Variants in NACAD observed in about 807,000 individuals in gnomAD.
NACAD encodes the protein NAC alpha domain containing.
A neutral mutation model predicts 98.9 loss-of-function variants in NACAD; 47 were observed. The observed-to-expected ratio is 0.48, with a 90% CI of 0.38 to 0.61. The LOEUF (loss-of-function observed/expected upper bound fraction) is 0.61, where lower values mean the gene tolerates loss of function less well. Ranked by LOEUF, NACAD falls within the 20% of genes least tolerant of loss-of-function variation. NACAD has a pLI of 0.00. For missense variants in NACAD, 1,412 were observed against 1,748.2 expected (o/e 0.81, Z 3.43); for synonymous variants, 696 against 767.2 (o/e 0.91, Z 1.53).
Position 45,088,729 on chromosome 7 carries a change from G to C in NACAD, c.67+99C>G, listed in dbSNP as rs1784559414. 1 of 1,041,700 alleles carries C rather than the reference G, an allele frequency of 9.6e-7. No homozygotes were observed. The highest frequency in any genetic ancestry group is 1.7e-5 in the African/African-American group (1 of 60,304). 64.5% of individuals were successfully genotyped at this position (1,041,700 alleles called of 1,614,324 possible). On this transcript the variant is annotated intron_variant, in intron 1 of 7. Coordinates refer to ENST00000490531, the MANE Select transcript of NACAD (RefSeq NM_001146334.2). The surrounding 1 kb of genome is among the most constrained non-coding windows in gnomAD (Gnocchi z 5.7). ...AGGGGAGGGGACTCGAGGGGGGCCA[G>C]GGGGATGGGGGAGAGGGGTGAAAGG...
chr7:45,086,410 A>G lies in NACAD; in HGVS notation c.68-298T>C, dbSNP rs182099928. On this transcript the variant is annotated intron_variant, in intron 1 of 7. Coordinates refer to ENST00000490531, the MANE Select transcript of NACAD (RefSeq NM_001146334.2). ...AAGGACACCTCAGCAAAGAACTAGCATTTCAGCCTCTCTGGGGAGACTGGA... is the reference window on the plus strand; with the variant it reads ...AAGGACACCTCAGCAAAGAACTAGCGTTTCAGCCTCTCTGGGGAGACTGGA... 1.9e-3 allele frequency among the ~76,000 whole-genome samples: 282 copies of G among 152,192 alleles called. 1 individual carries two copies. Among genetic ancestry groups the G allele is most frequent in the African/African-American group, 6.0e-3 (250 of 41,530 alleles).
In NACAD at chr7:45,088,037, C is replaced by T. The variant is rs1219079181; in HGVS notation, c.67+791G>A. Among the ~76,000 whole-genome samples the T allele has an allele frequency of 6.6e-6, 1 of 152,208 alleles. No homozygotes were observed. The highest frequency in any genetic ancestry group is 1.5e-5 in the Non-Finnish European group (1 of 68,036). Reference sequence around the variant, plus strand: ...GAGCAGAGGCAGCAGCCTGTGTCACCCCAAACCAGGCCCCAGGCCCCAGCA... The same window carrying T: ...GAGCAGAGGCAGCAGCCTGTGTCACTCCAAACCAGGCCCCAGGCCCCAGCA... On this transcript the variant is annotated intron_variant, in intron 1 of 7. Transcript: ENST00000490531. This position sits in a 1 kb window ranked among gnomAD's most constrained non-coding sequence, Gnocchi z 5.7.
rs1435410395 is a variant in NACAD at position 45,082,537 on chromosome 7, C to A, written c.3643G>T (p.Gly1215Cys). Residue 1215 changes from glycine to cysteine, a missense_variant, in exon 2 of 8, where the codon GGT becomes TGT. This residue lies in a region of NACAD where 572 missense variants were observed against 639.6 expected (regional missense o/e 0.89). Coordinates refer to ENST00000490531, the MANE Select transcript of NACAD (RefSeq NM_001146334.2). The surrounding 1 kb of genome is among the most constrained non-coding windows in gnomAD (Gnocchi z 4.5). ...CTGTCCACGGGCGTGCTGGGCTGAC[C>A]CTTGGCAAGGTTTTCTGGGGGCTGC... ...LLQPPENLAKGQPSTPVDRPL... is the reference protein window; with the variant it reads ...LLQPPENLAKCQPSTPVDRPL... 1 of 1,548,886 alleles carries A rather than the reference C, an allele frequency of 6.5e-7. No homozygotes were observed. The highest frequency in any genetic ancestry group is 2.0e-5 in the Admixed American group (1 of 50,802).
intron 4 of NACAD, 141 bp downstream of exon 4, chr7:45,081,460 G>C: frequency 1.6e-6 from 2 of 1,245,392 alleles, no homozygotes; most frequent in Non-Finnish European, 2.2e-6. Flanking sequence ...TTTAGGGGAA[G>C]GTGTGTGGGT....
In NACAD at chr7:45,085,544, G is replaced by A. The variant is rs764930569; in HGVS notation, c.636C>T (p.Pro212=). Residue 212 remains proline (P), a synonymous_variant, in exon 2 of 8, where the codon CCC becomes CCT. Coordinates refer to ENST00000490531, the MANE Select transcript of NACAD (RefSeq NM_001146334.2). This position sits in a 1 kb window ranked among gnomAD's most constrained non-coding sequence, Gnocchi z 6.1. ...AELRDELLDS[P]PASPSGSYIT... ...TGTAGGAGCCCGAGGGTGAGGCGGG[G>A]GGCGAGTCCAGCAGCTCATCCCGCA... The A allele has an allele frequency of 3.9e-6, 6 of 1,550,286 alleles. No individual in the cohort carries two copies. In the African/African-American group the frequency reaches 5.5e-5, roughly 14 times the overall value.
rs1423741106 is a variant in NACAD, at chr7:45,082,536, C to A, written c.3644G>T (p.Gly1215Val). ...CCTGTCCACGGGCGTGCTGGGCTGACCCTTGGCAAGGTTTTCTGGGGGCTG... is the reference window on the plus strand; with the variant it reads ...CCTGTCCACGGGCGTGCTGGGCTGAACCTTGGCAAGGTTTTCTGGGGGCTG... ...LLQPPENLAK[G>V]QPSTPVDRPL... Residue 1215 changes from glycine (G) to valine (V), a missense_variant, in exon 2 of 8, where the codon GGT becomes GTT. Coordinates refer to ENST00000490531, the MANE Select transcript of NACAD (RefSeq NM_001146334.2). This position sits in a 1 kb window ranked among gnomAD's most constrained non-coding sequence, Gnocchi z 4.5. The A allele has an allele frequency of 2.3e-5, 36 of 1,549,036 alleles. No individual in the cohort carries two copies. The East Asian group carries it at 8.3e-4, about 36-fold the overall frequency.
chr7:45,081,508 T>A lies in NACAD; in HGVS notation c.4257+93A>T. 4.8e-6 allele frequency: 7 copies of A among 1,467,510 alleles called. 1 individual carries two copies. The highest frequency in any genetic ancestry group is 6.5e-6 in the Non-Finnish European group (7 of 1,079,052). 90.9% of individuals were successfully genotyped at this position (1,467,510 alleles called of 1,614,324 possible). A position where few individuals can be genotyped will look rare whatever the true frequency, so the allele number is the denominator to read the frequency against. On this transcript the variant is annotated intron_variant, in intron 4 of 7. Coordinates refer to ENST00000490531, the MANE Select transcript of NACAD (RefSeq NM_001146334.2). ...CCCAAAGGTCCCCTGATGGATGGGA[T>A]TTCATTAGCCATGGAGTGTGAGGGT...
Position 45,085,151 on chromosome 7 carries a change from G to T in NACAD, c.1029C>A (p.Asp343Glu), listed in dbSNP as rs1312350740. 7.1e-6 allele frequency: 11 copies of T among 1,550,688 alleles called. No homozygotes were observed. Among genetic ancestry groups the T allele is most frequent in the Non-Finnish European group, 9.6e-6 (11 of 1,146,596 alleles). ...CCTCCCCAGCCAGGTCCCCACCTGG[G>T]TCGGGATCCGCCACAGCCTCCTCTT... ...EEEEEAVADP[D>E]PGGDLAGEGE... Residue 343 changes from aspartate to glutamate, a missense_variant, in exon 2 of 8, where the codon GAC becomes GAA. Asp to Glu is a conservative substitution (Grantham distance 45). This residue lies in a region of NACAD where 638 missense variants were observed against 722.7 expected (regional missense o/e 0.88). Coordinates refer to ENST00000490531, the MANE Select transcript of NACAD (RefSeq NM_001146334.2). This position sits in a 1 kb window ranked among gnomAD's most constrained non-coding sequence, Gnocchi z 6.1.
rs1332360189 is a variant in NACAD at position 45,085,722 on chromosome 7, G to A, written c.458C>T (p.Pro153Leu). The A allele has an allele frequency of 1.3e-6, 2 of 1,549,922 alleles. No homozygotes were observed. The highest frequency in any genetic ancestry group is 2.0e-5 in the Admixed American group (1 of 50,928). ...EGGHASPDPP[P>L]ELCSQGDLSV... ...AAGATCACCCTGAGAACACAGCTCG[G>A]GGGGTGGGTCTGGGCTTGCGTGCCC... Residue 153 changes from proline (P) to leucine (L), a missense_variant, in exon 2 of 8, where the codon CCC (proline) becomes CTC (leucine). Pro to Leu is a moderately conservative substitution (Grantham distance 98). Around this residue, in one of 5 missense-constraint regions of NACAD, gnomAD observed 638 missense variants for 722.7 expected, o/e 0.88. Coordinates refer to ENST00000490531, the MANE Select transcript of NACAD (RefSeq NM_001146334.2). This position sits in a 1 kb window ranked among gnomAD's most constrained non-coding sequence, Gnocchi z 6.1.
chr7:45,082,786 T>A lies in NACAD; in HGVS notation c.3394A>T (p.Lys1132Ter), dbSNP rs1484052053. 3 of 1,549,464 alleles carry A rather than the reference T, an allele frequency of 1.9e-6. No homozygotes were observed. The highest frequency in any genetic ancestry group is 2.6e-6 in the Non-Finnish European group (3 of 1,146,540). The change falls in exon 2 of 8, where the codon AAG (lysine) becomes TAG (stop). Residue 1132 changes from lysine to a stop codon, truncating the protein, a stop_gained. Transcript: ENST00000490531. LOFTEE classifies it high-confidence loss of function. The surrounding 1 kb of genome is among the most constrained non-coding windows in gnomAD (Gnocchi z 4.5). ...PAREERGLSG[K>*]STPEPTLPSA... ...GGAAGCGTGGGCTCCGGGGTGGACT[T>A]GCCACTCAGGCCTCTTTCCTCCCTG...
intron 1 of NACAD, among the ~76,000 whole-genome samples, chr7:45,087,266 T>C (rs763152100): frequency 1.3e-5 from 2 of 152,266 alleles, no homozygotes; most frequent in African/African-American, 2.4e-5. Context: ...GTTTTGAATC[T>C]AGCTATTTTC....
chr7:45,086,087 G>A lies in NACAD; in HGVS notation c.93C>T (p.Ala31=). The part of the protein sequence containing the change: ...RTDLSCDAAA[A]TTILGGDRRE... ...GCCGGTCCCCTCCCAGGATGGTGGT[G>A]GCAGCGGCCGCATCGCAGGACAGAT... Residue 31 remains alanine (A), a synonymous_variant, in exon 2 of 8, where the codon GCC becomes GCT. Transcript: ENST00000490531. 6.5e-7 allele frequency: 1 copy of A among 1,536,018 alleles called. No homozygotes were observed. Among genetic ancestry groups the A allele is most frequent in the Non-Finnish European group, 8.7e-7 (1 of 1,146,826 alleles).
At chr7:45,087,606 G>A (rs1006916446) in intron 1 of NACAD, among the ~76,000 whole-genome samples, 1 of 152,234 alleles carries the variant, frequency 6.6e-6, no homozygotes, top group Non-Finnish European at 1.5e-5. Context: ...CTGAAAGAAG[G>A]GGGACCCTGT....
chr7:45,082,538 C>T lies in NACAD; in HGVS notation c.3642G>A (p.Lys1214=). 6.5e-7 allele frequency: 1 copy of T among 1,548,868 alleles called. No homozygotes were observed. The highest frequency in any genetic ancestry group is 8.7e-7 in the Non-Finnish European group (1 of 1,146,436). The part of the protein sequence containing the change: ...PLLQPPENLA[K]GQPSTPVDRP... Reference sequence around the variant, plus strand: ...TGTCCACGGGCGTGCTGGGCTGACCCTTGGCAAGGTTTTCTGGGGGCTGCA... The same window carrying T: ...TGTCCACGGGCGTGCTGGGCTGACCTTTGGCAAGGTTTTCTGGGGGCTGCA... Residue 1214 remains lysine (K), a synonymous_variant, in exon 2 of 8, where the codon AAG becomes AAA. Transcript: ENST00000490531. This position sits in a 1 kb window ranked among gnomAD's most constrained non-coding sequence, Gnocchi z 4.5.
chr7:45,082,654 C>T lies in NACAD; in HGVS notation c.3526G>A (p.Ala1176Thr), dbSNP rs565386265. ...GGCTCCGGCTGCTGGGAGGTTGGTG[C>T]AGACGTGGGGGCAGGCGCGTCAGGG... The part of the protein sequence containing the change: ...GCPDAPAPTS[A>T]PTSQQPEPVL... The change falls in exon 2 of 8, where the codon GCA becomes ACA. Residue 1176 changes from alanine to threonine, a missense_variant. Around this residue, in one of 5 missense-constraint regions of NACAD, gnomAD observed 572 missense variants for 639.6 expected, o/e 0.89. Transcript: ENST00000490531. The surrounding 1 kb of genome is among the most constrained non-coding windows in gnomAD (Gnocchi z 4.5). 2.6e-6 allele frequency: 4 copies of T among 1,510,124 alleles called. No homozygotes were observed. In the African/African-American group the frequency reaches 4.2e-5, roughly 16 times the overall value. The allele number at this position is 1,510,124 out of a possible 1,614,324, so 93.5% of individuals were successfully genotyped here. A position where few individuals can be genotyped will look rare whatever the true frequency, so the allele number is the denominator to read the frequency against.
In NACAD at chr7:45,083,206, G is replaced by C; in HGVS notation, c.2974C>G (p.Pro992Ala). 6.4e-7 allele frequency: 1 copy of C among 1,550,946 alleles called. No individual in the cohort carries two copies. Among genetic ancestry groups the C allele is most frequent in the Non-Finnish European group, 8.7e-7 (1 of 1,146,964 alleles). ...TGTTGGACCTGGTCCAAGGCTGCAG[G>C]CTCCGGGACTGTAGGGAGGGCTGCA... ...KNAALPTVPE[P>A]AALDQVQQDD... The change falls in exon 2 of 8, where the codon CCT becomes GCT. Residue 992 changes from proline (P) to alanine (A), a missense_variant. By Grantham distance (27) the Pro-to-Ala change is conservative. Transcript: ENST00000490531.
Position 45,080,711 on chromosome 7 carries a change from C to T in NACAD, c.4603G>A (p.Ala1535Thr). 1 of 1,551,142 alleles carries T rather than the reference C, an allele frequency of 6.4e-7. No individual in the cohort carries two copies. The highest frequency in any genetic ancestry group is 8.7e-7 in the Non-Finnish European group (1 of 1,146,962). The change falls in exon 7 of 8, where the codon GCC becomes ACC. Residue 1535 changes from alanine (A) to threonine (T), a missense_variant. Physicochemically the swap from Ala to Thr is moderately conservative, Grantham distance 58 (BLOSUM62 0). Around this residue, in one of 5 missense-constraint regions of NACAD, gnomAD observed 88 missense variants for 105.4 expected, o/e 0.84. Transcript: ENST00000490531. ...LRDIELVMAQANVSRAKAVRA... is the reference protein window; with the variant it reads ...LRDIELVMAQTNVSRAKAVRA... ...ACGGCCTTGGCCCTGGACACATTGGCCTGCGCCATCACCAGCTCAATGTCA... is the reference window on the plus strand; with the variant it reads ...ACGGCCTTGGCCCTGGACACATTGGTCTGCGCCATCACCAGCTCAATGTCA...
chr7:45,087,172 G>A (rs947462615), intron 1 of NACAD, among the ~76,000 whole-genome samples: 15 of 152,176 alleles, frequency 9.9e-5, no homozygotes, highest in Non-Finnish European at 1.6e-4. Flanking sequence ...CGAGGTTGCG[G>A]CACACCAGAC....
intron 1 of NACAD, among the ~76,000 whole-genome samples, chr7:45,086,870 G>T (rs1378425823): frequency 6.6e-6 from 1 of 152,242 alleles, no homozygotes; most frequent in Non-Finnish European, 1.5e-5. Flanking sequence ...GACAGCTTCA[G>T]AGGGCCAACA....
Sources: allele counts gnomAD v4.1 joint callset (sites outside exome capture counted in the v4.1 genomes callset), GRCh38; gene constraint gnomAD v4.1.1; regional missense constraint gnomAD v4.1.1; non-coding constraint Gnocchi (gnomAD v3.1); transcripts MANE v1.5; gene names NCBI Gene and HGNC (gene_info 2026-07-23, HGNC 2026-07-21).